Variants in C12orf76 observed in about 807,000 individuals in gnomAD.
The protein encoded by C12orf76 is uncharacterized protein C12orf76.
A neutral mutation model predicts 6.8 loss-of-function variants in C12orf76; 6 were observed. The ratio of observed to expected loss-of-function variants is 0.88; its 90% CI spans 0.48 to 1.73. The LOEUF is 1.73. Among genes scored for constraint, C12orf76 ranks in the 40% most tolerant of loss-of-function variants. C12orf76 has a pLI of 0.01. For synonymous variants in C12orf76, 56 were observed against 43.7 expected (o/e 1.28, Z -1.11); for missense variants, 99 against 98.2 (o/e 1.01, Z -0.03).
exon 4 of C12orf76, chr12:110,057,260 G>C: frequency 6.2e-7 from 1 of 1,613,984 alleles, no homozygotes; most frequent in Non-Finnish European, 8.5e-7. Flanking sequence ...CAGGGAGGAT[G>C]TGCCTTTCAG....
upstream of C12orf76, among the ~76,000 whole-genome samples, chr12:110,068,326 A>G (rs1445718292): frequency 2.3e-5 from 3 of 129,946 alleles, no homozygotes; most frequent in South Asian, 2.3e-4. Flanking sequence ...GAAGAAGAAG[A>G]AGAAGGCGGC....
chr12:110,052,956 A>T (rs1892606143), upstream of C12orf76, among the ~76,000 whole-genome samples: 1 of 152,226 alleles, frequency 6.6e-6, no homozygotes, highest in Non-Finnish European at 1.5e-5. Context: ...TATTCCCAGC[A>T]CTTTGGGAGG....
intron 1 of C12orf76, chr12:110,067,396 C>T (rs146325808): frequency 0.012 from 11,399 of 985,266 alleles, 81 homozygotes; most frequent in Middle Eastern, 0.018. Flanking sequence ...ACAGCCCAGA[C>T]AAGCCAGGAC....
chr12:110,068,247 A>AAAGAAGAAG (rs4042063), upstream of C12orf76, among the ~76,000 whole-genome samples: 967 of 63,754 alleles, frequency 0.015, 115 homozygotes, highest in East Asian at 0.031. Context: ...GAAGAAGAAG[A>AAAGAAGAAG]AAGAAGAAGA....
In C12orf76 at chr12:110,054,604, G is replaced by A. The variant is rs1892639136; in HGVS notation, n.664+2585C>T. The stretch of plus-strand genomic sequence containing the variant: ...GCATGGGGTGTCCTTTTGGGGTGAT[G>A]AAAATGATCTGGAACTAGATGTGGT... On this transcript the variant is annotated intron_variant and non_coding_transcript_variant, in intron 4 of 4. Transcript: ENST00000309050. The surrounding 1 kb of genome is among the most constrained non-coding windows in gnomAD (Gnocchi z 4.4). Among the ~76,000 whole-genome samples the A allele has an allele frequency of 6.6e-6, 1 of 152,172 alleles. No homozygotes were observed. The highest frequency in any genetic ancestry group is 6.6e-5 in the Admixed American group (1 of 15,264).
intron 2 of C12orf76, among the ~76,000 whole-genome samples, chr12:110,062,786 A>ATAT (rs1491199637): frequency 1.6e-5 from 2 of 124,818 alleles, no homozygotes; most frequent in Non-Finnish European, 3.2e-5. Context: ...TGCCCAGCTA[A>ATAT]TATTTTTTTT....
chr12:110,055,755 A>C (rs1330060733), intron 4 of C12orf76, among the ~76,000 whole-genome samples: 1 of 152,186 alleles, frequency 6.6e-6, no homozygotes, highest in Non-Finnish European at 1.5e-5. Context: ...CTGATTGGTC[A>C]GAGATGAAAT....
chr12:110,042,474 C>T lies in C12orf76; in HGVS notation c.134-15G>A. 1 of 1,559,536 alleles carries T rather than the reference C, an allele frequency of 6.4e-7. No individual in the cohort carries two copies. The highest frequency in any genetic ancestry group is 1.1e-5 in the South Asian group (1 of 89,966). ...TCCCATCAACACTGCAAAGGGAAAACAGGTTACTTCCTAATGGCAGCTCCA... is the reference window on the plus strand; with the variant it reads ...TCCCATCAACACTGCAAAGGGAAAATAGGTTACTTCCTAATGGCAGCTCCA... On this transcript the variant is annotated splice_polypyrimidine_tract_variant and intron_variant, in intron 1 of 1. Coordinates refer to ENST00000615315, the MANE Select transcript of C12orf76 (RefSeq NM_001389625.1).
chr12:110,065,710 A>G, intron 2 of C12orf76: 1 of 1,336,078 alleles, frequency 7.5e-7, no homozygotes, highest in Non-Finnish European at 1.1e-6. Flanking sequence ...TATGCTCTGC[A>G]CAGTGGCCCA....
rs1892641332 is a variant in C12orf76 at position 110,054,754 on chromosome 12, T to C, written n.664+2435A>G. On this transcript the variant is annotated intron_variant and non_coding_transcript_variant, in intron 4 of 4. Transcript: ENST00000309050. This position sits in a 1 kb window ranked among gnomAD's most constrained non-coding sequence, Gnocchi z 4.4. ...TTTTTTACATATGTAGACATATATG[T>C]GTTTAGAAATATAAAAACAAACAAG... 1.3e-5 allele frequency among the ~76,000 whole-genome samples: 2 copies of C among 152,266 alleles called. No individual in the cohort carries two copies. Among genetic ancestry groups the C allele is most frequent in the South Asian group, 4.1e-4 (2 of 4,836 alleles).
chr12:110,046,615 C>G (rs1202364431), intron 1 of C12orf76, among the ~76,000 whole-genome samples: 3 of 152,216 alleles, frequency 2.0e-5, no homozygotes, highest in Non-Finnish European at 4.4e-5. Flanking sequence ...TAGAACTGGT[C>G]TCTAAGTGCT....
intron 1 of C12orf76, among the ~76,000 whole-genome samples, chr12:110,043,854 C>CA (rs1192423378): frequency 0.032 from 1,181 of 36,930 alleles, 26 homozygotes; most frequent in African/African-American, 0.16. Context: ...GACTCTGTCT[C>CA]AAAAAAAAAC....
chr12:110,073,424 A>C (rs772220218), exon 1 of C12orf76: 3 of 522,066 alleles, frequency 5.7e-6, no homozygotes. Context: ...CCACTTACCT[A>C]ACATAGGAAA....
intron 1 of C12orf76, among the ~76,000 whole-genome samples, chr12:110,073,042 A>G (rs1478072247): frequency 6.6e-6 from 1 of 152,150 alleles, no homozygotes; most frequent in Non-Finnish European, 1.5e-5. Flanking sequence ...ACCTGGTCCT[A>G]TTCTTCCCAA....
At chr12:110,052,088 G>A (rs1452402971), upstream of C12orf76, among the ~76,000 whole-genome samples, 2 of 149,070 alleles carry the variant, frequency 1.3e-5, no homozygotes, top group African/African-American at 4.9e-5. Flanking sequence ...AGTAGAGACG[G>A]GGTTTCACCG....
intron 2 of C12orf76, among the ~76,000 whole-genome samples, chr12:110,063,924 G>A (rs182988973): frequency 1.4e-3 from 207 of 152,002 alleles, no homozygotes; most frequent in Middle Eastern, 3.4e-3. Flanking sequence ...ACAAACAAAC[G>A]AACAAACAAA....
chr12:110,054,176 A>G (rs1409062132), upstream of C12orf76, among the ~76,000 whole-genome samples: 3 of 152,220 alleles, frequency 2.0e-5, no homozygotes, highest in Non-Finnish European at 2.9e-5. The surrounding 1 kb of genome is among the most constrained non-coding windows in gnomAD (Gnocchi z 4.4). Flanking sequence ...ATAACCTAAC[A>G]CTGAAAAAAC....
intron 2 of C12orf76, among the ~76,000 whole-genome samples, chr12:110,064,558 A>G (rs1400874336): frequency 3.3e-5 from 5 of 152,232 alleles, no homozygotes; most frequent in Admixed American, 3.3e-4. Context: ...CTTTAAAATG[A>G]AAATAGCGTA....
rs541756260 is a variant in C12orf76, at chr12:110,066,138, G to A, written n.207-105C>T. On this transcript the variant is annotated intron_variant and non_coding_transcript_variant, in intron 1 of 4. Transcript: ENST00000309050. ...GCGGTAGCTCACAATTTGGGAGGCC[G>A]AGGCAGGCGGATCACTTGAGGCCAG... 19 of 1,337,230 alleles carry A rather than the reference G, an allele frequency of 1.4e-5. No individual in the cohort carries two copies. In the African/African-American group the frequency reaches 1.5e-4, roughly 10 times the overall value. The allele number at this position is 1,337,230 out of a possible 1,614,324, so 82.8% of individuals were successfully genotyped here. A position where few individuals can be genotyped will look rare whatever the true frequency, so the allele number is the denominator to read the frequency against.
Sources: gnomAD v4.1 joint callset for allele counts (sites outside exome capture counted in the v4.1 genomes callset) on GRCh38, gnomAD v4.1.1 for gene constraint, Gnocchi (gnomAD v3.1) non-coding constraint, MANE v1.5 for transcripts, NCBI Gene and HGNC (gene_info 2026-07-23, HGNC 2026-07-21) for gene names.